The following PTPRD variants were observed in gnomAD, a reference collection of about 807,000 sequenced individuals.
PTPRD encodes protein tyrosine phosphatase receptor type D.
In PTPRD, 34 loss-of-function variants were observed where a neutral mutation model predicts 214.5. That is an observed-to-expected ratio of 0.16 (90% CI 0.12 to 0.21). The LOEUF is 0.21. PTPRD is among the 10% of genes least tolerant of loss of function. PTPRD has a pLI of 1.00. For missense variants in PTPRD, 2,545 were observed against 2,398.7 expected (o/e 1.06, Z -1.27); for synonymous variants, 1,128 against 845.7 (o/e 1.33, Z -5.79).
intron 8 of PTPRD, among the ~76,000 whole-genome samples, chr9:9,508,932 A>G (rs550385860): frequency 6.6e-6 from 1 of 151,674 alleles, no homozygotes; most frequent in South Asian, 2.1e-4. Context: ...TTTACCATAT[A>G]TATATTAATT....
At chr9:10,608,509 T>C (rs73398242) in intron 2 of PTPRD, among the ~76,000 whole-genome samples, 9,493 of 152,174 alleles carry the variant, frequency 0.062, 375 homozygotes, top group Middle Eastern at 0.14. Context: ...ACAAGATGGC[T>C]GCCCCTAACT....
intron 10 of PTPRD, among the ~76,000 whole-genome samples, chr9:9,126,402 A>G (rs2099833876): frequency 6.6e-6 from 1 of 152,200 alleles, no homozygotes; most frequent in South Asian, 2.1e-4. Context: ...CCTCACCTAT[A>G]TCAAGGATAG....
At chr9:9,504,276 G>A (rs1236592726) in intron 8 of PTPRD, among the ~76,000 whole-genome samples, 1 of 151,592 alleles carries the variant, frequency 6.6e-6, no homozygotes, top group Non-Finnish European at 1.5e-5. Context: ...TTTGACATCT[G>A]TTTTATATGT....
chr9:8,977,540 C>A (rs933605910), intron 11 of PTPRD, among the ~76,000 whole-genome samples: 13 of 152,102 alleles, frequency 8.5e-5, no homozygotes, highest in African/African-American at 3.1e-4. Flanking sequence ...CCCTTTCATT[C>A]TATCTTGTCA....
intron 11 of PTPRD, among the ~76,000 whole-genome samples, chr9:8,937,652 C>G (rs984487213): frequency 6.6e-6 from 1 of 152,160 alleles, no homozygotes; most frequent in Non-Finnish European, 1.5e-5. Context: ...TTCACCCTTG[C>G]TCATCATTCA....
intron 2 of PTPRD, among the ~76,000 whole-genome samples, chr9:10,520,549 C>T (rs1413946784): frequency 6.6e-6 from 1 of 152,196 alleles, no homozygotes; most frequent in East Asian, 1.9e-4. Flanking sequence ...TGGCTACACT[C>T]ACCAATAGAT....
At chr9:9,395,190 A>G (rs7865809) in intron 9 of PTPRD, among the ~76,000 whole-genome samples, 1 of 150,694 alleles carries the variant, frequency 6.6e-6, no homozygotes, top group Non-Finnish European at 1.5e-5. Flanking sequence ...CATGAAACAA[A>G]AAAAAAAAAA....
intron 2 of PTPRD, among the ~76,000 whole-genome samples, chr9:10,499,991 G>A (rs1400751663): frequency 6.6e-6 from 1 of 151,840 alleles, no homozygotes; most frequent in Non-Finnish European, 1.5e-5. Flanking sequence ...GCCTGTGCCA[G>A]CTTTCTTTCT....
chr9:10,356,698 T>G (rs959538272), intron 2 of PTPRD, among the ~76,000 whole-genome samples: 2 of 152,136 alleles, frequency 1.3e-5, no homozygotes, highest in Non-Finnish European at 2.9e-5. Context: ...TCTTTTTTTT[T>G]GAGACAGAGT....
At position 8,460,532 on chromosome 9, in the gene PTPRD, A is replaced by G. The variant is rs543096154; in HGVS notation, c.3754T>C (p.Ser1252Pro). The change falls in exon 33 of 46, where the codon TCA becomes CCA. Residue 1252 changes from serine to proline, a missense_variant. Coordinates refer to ENST00000381196, the MANE Select transcript of PTPRD (RefSeq NM_002839.4). ...ATSPYSDPVVSMDLDPQPITD... is the reference protein window; with the variant it reads ...ATSPYSDPVVPMDLDPQPITD... The stretch of plus-strand genomic sequence containing the variant: ...ATTGGCTGCGGATCCAGATCCATTG[A>G]CACCACGGGGTCGGAGTAAGGGCTG... 6.2e-7 allele frequency: 1 copy of G among 1,613,486 alleles called. No individual in the cohort carries two copies. The highest frequency in any genetic ancestry group is 2.2e-5 in the East Asian group (1 of 44,860).
chr9:8,860,807 T>C (rs1349948807), intron 11 of PTPRD: 1 of 152,122 alleles, frequency 6.6e-6, no homozygotes, highest in Non-Finnish European at 1.5e-5. Flanking sequence ...CCCTGAGAAT[T>C]TAAAATCATC....
At chr9:9,553,416 T>G (rs994048240) in intron 8 of PTPRD, among the ~76,000 whole-genome samples, 1 of 152,078 alleles carries the variant, frequency 6.6e-6, no homozygotes, top group Non-Finnish European at 1.5e-5. Context: ...CCCTTCAAGG[T>G]AATAACAAAT....
chr9:8,378,937 T>A (rs1320387377), intron 37 of PTPRD, among the ~76,000 whole-genome samples: 1 of 152,028 alleles, frequency 6.6e-6, no homozygotes, highest in East Asian at 1.9e-4. Flanking sequence ...AATCCTTACA[T>A]TTCTAGTAAT....
intron 39 of PTPRD, among the ~76,000 whole-genome samples, chr9:8,348,012 A>C (rs2074358335): frequency 6.6e-6 from 1 of 152,134 alleles, no homozygotes; most frequent in Non-Finnish European, 1.5e-5. Context: ...TTTGCTAAAT[A>C]AAGAGGGTGG....
rs185185615 is a variant in PTPRD at position 10,143,802 on chromosome 9, A to G, written c.-544-110012T>C. Among the ~76,000 whole-genome samples, 474 of 152,242 alleles carry G rather than the reference A, an allele frequency of 3.1e-3. 5 individuals are homozygous for G. The highest frequency in any genetic ancestry group is 2.3e-3 in the Non-Finnish European group (157 of 68,012). On this transcript the variant is annotated intron_variant, in intron 3 of 45. Coordinates refer to ENST00000381196, the MANE Select transcript of PTPRD (RefSeq NM_002839.4). ...ATTATCCTAAGCAAACTAACACAGA[A>G]GCAGAAAGCCAAATACCACATTTTC...
intron 5 of PTPRD, among the ~76,000 whole-genome samples, chr9:9,848,303 C>G (rs113960024): frequency 3.9e-5 from 6 of 152,116 alleles, no homozygotes; most frequent in Admixed American, 2.0e-4. Context: ...TATATCTTAG[C>G]TTGGGGGTTG....
At chr9:8,418,801 C>T (rs553371809) in intron 35 of PTPRD, among the ~76,000 whole-genome samples, 4 of 152,064 alleles carry the variant, frequency 2.6e-5, no homozygotes, top group African/African-American at 9.6e-5. Context: ...GAAAATAACC[C>T]ATTGGCTAAG....
intron 36 of PTPRD, among the ~76,000 whole-genome samples, chr9:8,397,134 T>A (rs1467876068): frequency 6.6e-6 from 1 of 152,164 alleles, no homozygotes; most frequent in East Asian, 1.9e-4. Context: ...ATGAGTTTTT[T>A]AAGGGATGGG....
chr9:9,322,792 A>G (rs1967188246), intron 9 of PTPRD, among the ~76,000 whole-genome samples: 1 of 152,098 alleles, frequency 6.6e-6, no homozygotes, highest in South Asian at 2.1e-4. Context: ...TTGAGGTGAA[A>G]ATTTGAACAG....
Sources: gnomAD v4.1 joint callset for allele counts (sites outside exome capture counted in the v4.1 genomes callset) on GRCh38, gnomAD v4.1.1 for gene constraint, MANE v1.5 for transcripts, NCBI Gene and HGNC (gene_info 2026-07-23, HGNC 2026-07-21) for gene names.